The following PARD3 variants were observed in gnomAD, a reference collection of about 807,000 sequenced individuals.
The protein encoded by PARD3 is par-3 family cell polarity regulator.
In PARD3, 75 loss-of-function variants were observed where a neutral mutation model predicts 155.4. The observed-to-expected ratio is 0.48, with a 90% CI of 0.40 to 0.58. The LOEUF is 0.58. Among genes scored for constraint, PARD3 ranks in the 20% least tolerant of loss-of-function variants. The pLI is 0.00. For synonymous variants in PARD3, 576 were observed against 610.5 expected (o/e 0.94, Z 0.83); for missense variants, 1,642 against 1,721.7 (o/e 0.95, Z 0.82).
chr10:34,339,264 G>A (rs1836534802), intron 16 of PARD3, among the ~76,000 whole-genome samples: 1 of 152,112 alleles, frequency 6.6e-6, no homozygotes, highest in East Asian at 1.9e-4. Flanking sequence ...GGCTGAGGCA[G>A]GAGAATGGTG....
intron 1 of PARD3, among the ~76,000 whole-genome samples, chr10:34,773,205 A>T (rs1839117329): frequency 6.6e-6 from 1 of 152,192 alleles, no homozygotes; most frequent in Non-Finnish European, 1.5e-5. Context: ...TTGCCCCACA[A>T]CTAATAACAC....
At chr10:34,717,019 T>C (rs2094531937) in intron 1 of PARD3, among the ~76,000 whole-genome samples, 2 of 152,196 alleles carry the variant, frequency 1.3e-5, no homozygotes, top group Non-Finnish European at 1.5e-5. Context: ...TGGTCCAAGA[T>C]AACACCACTT....
intron 22 of PARD3, among the ~76,000 whole-genome samples, chr10:34,164,581 G>A (rs16935155): frequency 0.096 from 14,633 of 152,170 alleles, 1,573 homozygotes; most frequent in African/African-American, 0.27. Context: ...ATAAGCAGGC[G>A]TCTGAATGAA....
intron 1 of PARD3, among the ~76,000 whole-genome samples, chr10:34,765,971 G>C (rs1838035128): frequency 6.6e-6 from 1 of 152,174 alleles, no homozygotes; most frequent in African/African-American, 2.4e-5. Flanking sequence ...AGATTACACA[G>C]AGCTGAATTT....
chr10:34,537,075 T>C (rs1189245701), intron 2 of PARD3, among the ~76,000 whole-genome samples: 1 of 152,224 alleles, frequency 6.6e-6, no homozygotes, highest in African/African-American at 2.4e-5. Flanking sequence ...GTAACTAAGC[T>C]CACTGCAACC....
chr10:34,404,370 G>A (rs1160115655), intron 5 of PARD3, among the ~76,000 whole-genome samples: 2 of 152,100 alleles, frequency 1.3e-5, no homozygotes, highest in Non-Finnish European at 2.9e-5. Context: ...CAATATTTAA[G>A]AACTATACAG....
intron 1 of PARD3, among the ~76,000 whole-genome samples, chr10:34,728,333 A>C (rs1432387587): frequency 6.6e-6 from 1 of 152,228 alleles, no homozygotes; most frequent in Non-Finnish European, 1.5e-5. Context: ...TATCTAAAGG[A>C]TTCTGACGCT....
chr10:34,378,192 C>T, intron 9 of PARD3, 86 bp from the exon 10 acceptor site: 3 of 978,908 alleles, frequency 3.1e-6, no homozygotes, highest in Non-Finnish European at 4.5e-6. Flanking sequence ...TCAACCTCAA[C>T]TTGACATTTT....
At chr10:34,485,765 G>T (rs376138363) in intron 3 of PARD3, among the ~76,000 whole-genome samples, 241 of 152,204 alleles carry the variant, frequency 1.6e-3, no homozygotes, top group African/African-American at 5.4e-3. Flanking sequence ...CAGACTCCTT[G>T]CGAGAGAGAT....
At chr10:34,513,443 G>A (rs1194395397) in intron 3 of PARD3, among the ~76,000 whole-genome samples, 1 of 152,062 alleles carries the variant, frequency 6.6e-6, no homozygotes, top group Non-Finnish European at 1.5e-5. Context: ...ACCACGCCCA[G>A]GTAATTTTTT....
chr10:34,711,908 CCAGGAAACATTT>C (rs2094454418), intron 1 of PARD3, among the ~76,000 whole-genome samples: 1 of 152,110 alleles, frequency 6.6e-6, no homozygotes, highest in Non-Finnish European at 1.5e-5. Flanking sequence ...AGTTTACATT[CCAGGAAACATTT>C]CAGATGTGGG....
At position 34,337,289 on chromosome 10, in the gene PARD3, C is replaced by T; in HGVS notation, c.2546G>A (p.Ser849Asn). The part of the protein sequence containing the change: ...LDFVKTRKSK[S>N]MDLGIADETK... ...ATTGTACTCACTACCTAAATCCATG[C>T]TTTTTGATTTTCGTGTTTTAACGAA... Residue 849 changes from serine (S) to asparagine (N), a missense_variant, in exon 17 of 25, where the codon AGC becomes AAC. By Grantham distance (46) the Ser-to-Asn change is conservative (BLOSUM62 1). Coordinates refer to ENST00000374788, the MANE Select transcript of PARD3 (RefSeq NM_001184785.2). 1 of 1,596,104 alleles carries T rather than the reference C, an allele frequency of 6.3e-7. No homozygotes were observed. The highest frequency in any genetic ancestry group is 8.5e-7 in the Non-Finnish European group (1 of 1,172,346).
intron 2 of PARD3, among the ~76,000 whole-genome samples, chr10:34,672,122 GACGCTACT>G (rs2093621213): frequency 6.6e-6 from 1 of 151,982 alleles, no homozygotes; most frequent in African/African-American, 2.4e-5. Flanking sequence ...GAGCCATGAT[GACGCTACT>G]ACACTCCAGC....
intron 1 of PARD3, among the ~76,000 whole-genome samples, chr10:34,704,081 A>C (rs1271561497): frequency 6.6e-6 from 1 of 152,222 alleles, no homozygotes. Context: ...CCCATATTCC[A>C]GGACGTCAGC....
Position 34,382,711 on chromosome 10 carries a change from G to A in PARD3, c.1228C>T (p.His410Tyr). Residue 410 changes from histidine (H) to tyrosine (Y), a missense_variant, in exon 9 of 25, where the codon CAC becomes TAC. Coordinates refer to ENST00000374788, the MANE Select transcript of PARD3 (RefSeq NM_001184785.2). ...HTVQRAPRLN[H>Y]PPEQIDSHSR... ...TGAGAGTCTATCTGCTCAGGCGGGT[G>A]GTTCAGTCGGGGTGCTCTCTGCACC... 6.2e-7 allele frequency: 1 copy of A among 1,614,166 alleles called. No individual in the cohort carries two copies. Among genetic ancestry groups the A allele is most frequent in the Non-Finnish European group, 8.5e-7 (1 of 1,180,034 alleles).
chr10:34,477,373 T>C (rs2078785166), intron 3 of PARD3, among the ~76,000 whole-genome samples: 1 of 152,244 alleles, frequency 6.6e-6, no homozygotes, highest in South Asian at 2.1e-4. Context: ...ATTAAGCTGC[T>C]GCATGAAGCA....
intron 2 of PARD3, among the ~76,000 whole-genome samples, chr10:34,562,744 A>G (rs1287536739): frequency 1.3e-5 from 2 of 152,040 alleles, no homozygotes; most frequent in Non-Finnish European, 1.5e-5. Flanking sequence ...TAACTTATTA[A>G]AACTGATTAT....
chr10:34,665,101 TA>T (rs1031352318), intron 2 of PARD3, among the ~76,000 whole-genome samples: 5 of 151,762 alleles, frequency 3.3e-5, no homozygotes, highest in Non-Finnish European at 7.4e-5. Flanking sequence ...TTTTTTAAAA[TA>T]AAAAAAATCT....
intron 22 of PARD3, among the ~76,000 whole-genome samples, chr10:34,253,673 G>A (rs1954464375): frequency 1.5e-5 from 2 of 137,154 alleles, no homozygotes; most frequent in Admixed American, 1.5e-4. Flanking sequence ...ATCATAGAAA[G>A]TTTCAAAGAA....
Sources: gnomAD v4.1 joint callset for allele counts (sites outside exome capture counted in the v4.1 genomes callset) on GRCh38, gnomAD v4.1.1 for gene constraint, MANE v1.5 for transcripts, NCBI Gene and HGNC (gene_info 2026-07-23, HGNC 2026-07-21) for gene names.